The following GTF2I variants were observed in gnomAD, a reference collection of about 807,000 sequenced individuals.
GTF2I encodes the protein general transcription factor II-I.
GTF2I carries 12 observed loss-of-function variants against 67.6 expected under a neutral mutation model. The ratio of observed to expected loss-of-function variants is 0.18; its 90% confidence interval spans 0.11 to 0.29. The LOEUF is 0.29. Among genes scored for constraint, GTF2I ranks in the 10% least tolerant of loss-of-function variants. The probability of loss-of-function intolerance (pLI) is 1.00; values close to 1 mark genes in which losing one functional copy is unlikely to be tolerated. For missense variants in GTF2I, 271 were observed against 580.1 expected, an observed-to-expected ratio of 0.47 and a Z score of 5.47; for synonymous variants, 149 against 197.0, an observed-to-expected ratio of 0.76 and a Z score of 2.04.
At chr7:74,687,748 G>A (rs587757253) in intron 1 of GTF2I, among the ~76,000 whole-genome samples, 9 of 152,264 alleles carry the variant, frequency 5.9e-5, no homozygotes, top group East Asian at 1.9e-4. Context: ...GCTTGTCCAC[G>A]TTCTCCAGAA....
At chr7:74,681,634 G>A (rs113544043) in intron 1 of GTF2I, among the ~76,000 whole-genome samples, 5,308 of 152,290 alleles carry the variant, frequency 0.035, 144 homozygotes, top group Middle Eastern at 0.095. Flanking sequence ...TGGGAAGGCT[G>A]GGCATAGTGG....
chr7:74,680,423 G>A lies in GTF2I; in HGVS notation c.-5-8701G>A, dbSNP rs762821842. ...AAGGTTTGTAAAAATCTTCAAGCGC[G>A]TTCTTCCTTTCACTCACTATAAAAT... is the stretch of plus-strand genomic sequence containing the variant. On this transcript the variant is annotated intron_variant, in intron 1 of 34. Coordinates refer to ENST00000573035, the MANE Select transcript of GTF2I (RefSeq NM_032999.4). Among the ~76,000 whole-genome samples the A allele has an allele frequency of 5.3e-5, 8 of 151,782 alleles. No homozygotes were observed. The East Asian group carries it at 5.8e-4, about 11-fold the overall frequency.
At chr7:74,680,042 G>A (rs1298454800) in intron 1 of GTF2I, among the ~76,000 whole-genome samples, 3 of 120,402 alleles carry the variant, frequency 2.5e-5, no homozygotes, top group African/African-American at 3.2e-5. Context: ...TCACACCATT[G>A]TACTCCAGCC....
At chr7:74,721,768 T>C (rs1022128394) in intron 12 of GTF2I, among the ~76,000 whole-genome samples, 3 of 152,044 alleles carry the variant, frequency 2.0e-5, no homozygotes, top group African/African-American at 7.2e-5. Flanking sequence ...TTGGTATATC[T>C]TCATAACAGA....
intron 1 of GTF2I, among the ~76,000 whole-genome samples, chr7:74,664,630 A>AGTAGAT (rs1554387866): frequency 6.6e-6 from 1 of 151,792 alleles, no homozygotes; most frequent in Non-Finnish European, 1.5e-5. Context: ...TACAGGTTTC[A>AGTAGAT]CCATGTTGGC....
chr7:74,704,440 G>A (rs751752610), intron 6 of GTF2I, among the ~76,000 whole-genome samples: 14 of 151,602 alleles, frequency 9.2e-5, no homozygotes, highest in Non-Finnish European at 1.9e-4. Flanking sequence ...ACAGGCGCCC[G>A]CCACCACACC....
chr7:74,666,384 C>T (rs1804969754), intron 1 of GTF2I, among the ~76,000 whole-genome samples: 1 of 152,128 alleles, frequency 6.6e-6, no homozygotes, highest in Admixed American at 6.6e-5. Context: ...ACTTAAATTA[C>T]ATGATCTCAT....
At chr7:74,726,412 A>C (rs1793787173) in intron 12 of GTF2I, 1 of 152,158 alleles carries the variant, frequency 6.6e-6, no homozygotes, top group Admixed American at 6.5e-5. Context: ...AAACTTACAC[A>C]CTTCTGTTTT....
intron 3 of GTF2I, among the ~76,000 whole-genome samples, chr7:74,697,945 TTTTTGTTTG>T (rs1198585261): frequency 1.3e-4 from 10 of 76,154 alleles, no homozygotes; most frequent in African/African-American, 2.5e-4. Context: ...ATTTTTGTAT[TTTTTGTTTG>T]TTTGTTTGTT....
intron 3 of GTF2I, 71 bp downstream of exon 3, chr7:74,691,182 A>G (rs1554396952): frequency 6.9e-6 from 7 of 1,011,906 alleles, no homozygotes; most frequent in Middle Eastern, 2.9e-4. Flanking sequence ...AAGACAAGTT[A>G]TATTATTTTC....
intron 26 of GTF2I, among the ~76,000 whole-genome samples, chr7:74,750,047 G>A (rs1795708834): frequency 1.7e-5 from 2 of 119,760 alleles, no homozygotes; most frequent in African/African-American, 5.5e-5. Flanking sequence ...CTGAGCAGCT[G>A]TTTAGTTTTT....
In GTF2I at chr7:74,688,224, G is replaced by A. The variant is rs181153017; in HGVS notation, c.-5-900G>A. Among the ~76,000 whole-genome samples, 778 of 152,004 alleles carry A rather than the reference G, an allele frequency of 5.1e-3. 6 individuals carry two copies. Among genetic ancestry groups the A allele is most frequent in the Middle Eastern group, 0.021 (6 of 292 alleles). ...CTCTTGAGTAGCCGGGATTACAGGC[G>A]CCCACCACCCTGCCTGGCTCATTTT... On this transcript the variant is annotated intron_variant, in intron 1 of 34. Transcript: ENST00000573035.
At chr7:74,714,800 C>A in intron 9 of GTF2I, 57 bp from the exon 10 acceptor site, 1 of 1,195,128 alleles carries the variant, frequency 8.4e-7, no homozygotes, top group East Asian at 2.5e-5. Flanking sequence ...ACTAAAGTCA[C>A]CCCACATTTT....
At chr7:74,668,559 A>ATT (rs1805188709) in intron 1 of GTF2I, among the ~76,000 whole-genome samples, 1 of 151,018 alleles carries the variant, frequency 6.6e-6, no homozygotes, top group African/African-American at 2.4e-5. Context: ...CTTAAAGATC[A>ATT]TATTTATTTA....
chr7:74,661,585 CA>C (rs1368312236), intron 1 of GTF2I, among the ~76,000 whole-genome samples: 2 of 151,968 alleles, frequency 1.3e-5, no homozygotes, highest in Admixed American at 1.3e-4. Flanking sequence ...GAGGCTGAGG[CA>C]GGGGGATCTC....
chr7:74,697,158 G>C (rs1459814552), intron 3 of GTF2I, among the ~76,000 whole-genome samples: 1 of 152,114 alleles, frequency 6.6e-6, no homozygotes, highest in Non-Finnish European at 1.5e-5. Context: ...AGCACTTTGG[G>C]AGGCAGAGGC....
rs145831841 is a variant in GTF2I, at chr7:74,677,389, A to G, written c.-5-11735A>G. 7.0e-3 allele frequency among the ~76,000 whole-genome samples: 1,066 copies of G among 152,314 alleles called. 3 individuals carry two copies. Among genetic ancestry groups the G allele is most frequent in the Middle Eastern group, 0.014 (4 of 294 alleles). On this transcript the variant is annotated intron_variant, in intron 1 of 34. Coordinates refer to ENST00000573035, the MANE Select transcript of GTF2I (RefSeq NM_032999.4). ...AATTTTTCCCTTGGCATTAAGCGAT[A>G]CATGAATTCATTTTATTCTTCTGAC... is the stretch of plus-strand genomic sequence containing the variant.
intron 1 of GTF2I, among the ~76,000 whole-genome samples, chr7:74,669,186 G>T (rs1361835416): frequency 6.8e-6 from 1 of 146,910 alleles, no homozygotes; most frequent in African/African-American, 2.5e-5. Flanking sequence ...TCAGGATAAA[G>T]AATCTTTTAG....
intron 1 of GTF2I, among the ~76,000 whole-genome samples, chr7:74,676,660 T>C (rs1306068015): frequency 2.6e-5 from 4 of 152,222 alleles, no homozygotes; most frequent in Admixed American, 1.3e-4. Flanking sequence ...ATATTAAATG[T>C]ATACTGACAT....
Sources: allele counts gnomAD v4.1 joint callset (sites outside exome capture counted in the v4.1 genomes callset), GRCh38; gene constraint gnomAD v4.1.1; transcripts MANE v1.5; gene names NCBI Gene and HGNC (gene_info 2026-07-23, HGNC 2026-07-21).